Variants in DCC observed in about 807,000 individuals in gnomAD.
DCC encodes the protein DCC netrin 1 receptor.
Under a neutral mutation model 172.5 loss-of-function variants are expected in DCC, and 58 were observed. The ratio of observed to expected loss-of-function variants is 0.34; its 90% CI spans 0.27 to 0.42. DCC has a LOEUF of 0.42. DCC is among the 10% of genes least tolerant of loss of function. The probability of loss-of-function intolerance (pLI) is 1.00; values close to 1 mark genes in which losing one functional copy is unlikely to be tolerated. For missense variants in DCC, 1,740 were observed against 1,791.0 expected, an observed-to-expected ratio of 0.97 and a Z score of 0.51; for synonymous variants, 709 against 644.5, an observed-to-expected ratio of 1.10 and a Z score of -1.52.
chr18:52,434,819 G>A (rs1466866026), intron 1 of DCC, among the ~76,000 whole-genome samples: 10 of 151,774 alleles, frequency 6.6e-5, no homozygotes, highest in Admixed American at 4.6e-4. Context: ...ACCTCCCCAC[G>A]CCCGTCCCTC....
intron 1 of DCC, among the ~76,000 whole-genome samples, chr18:52,683,463 T>C (rs551643627): frequency 6.6e-6 from 1 of 152,212 alleles, no homozygotes; most frequent in Non-Finnish European, 1.5e-5. Flanking sequence ...AGATTATTTA[T>C]TTTTCACTTT....
At chr18:53,449,084 C>G (rs1052718150) in intron 22 of DCC, among the ~76,000 whole-genome samples, 7 of 152,026 alleles carry the variant, frequency 4.6e-5, no homozygotes, top group Non-Finnish European at 7.4e-5. Context: ...CACTGAGGTA[C>G]AGAAGGTCTA....
At chr18:53,509,122 C>G (rs2046219620) in intron 27 of DCC, among the ~76,000 whole-genome samples, 1 of 152,180 alleles carries the variant, frequency 6.6e-6, no homozygotes, top group Admixed American at 6.5e-5. Flanking sequence ...TCCAGTTTAG[C>G]TATTCCCTGC....
intron 15 of DCC, among the ~76,000 whole-genome samples, chr18:53,350,599 A>C (rs1332522790): frequency 6.6e-6 from 1 of 151,954 alleles, no homozygotes; most frequent in Non-Finnish European, 1.5e-5. Flanking sequence ...ATACTGGAAA[A>C]GTTTTTTGAG....
intron 5 of DCC, among the ~76,000 whole-genome samples, chr18:52,926,042 A>G (rs1568191034): frequency 6.6e-6 from 1 of 151,932 alleles, no homozygotes; most frequent in East Asian, 1.9e-4. Flanking sequence ...TTTTATTTGA[A>G]TTATGTAGTT....
intron 2 of DCC, among the ~76,000 whole-genome samples, chr18:52,899,889 A>G (rs2039785901): frequency 6.6e-6 from 1 of 152,202 alleles, no homozygotes; most frequent in African/African-American, 2.4e-5. Flanking sequence ...TAAACTGATT[A>G]TCTTAACAAT....
chr18:52,896,593 T>C (rs2039734519), intron 2 of DCC, among the ~76,000 whole-genome samples: 1 of 152,174 alleles, frequency 6.6e-6, no homozygotes, highest in Non-Finnish European at 1.5e-5. Context: ...GAGGAAGAGG[T>C]GGTAAAACTA....
chr18:52,975,245 T>C (rs1023254383), intron 5 of DCC, among the ~76,000 whole-genome samples: 1 of 152,210 alleles, frequency 6.6e-6, no homozygotes, highest in African/African-American at 2.4e-5. Context: ...GGCTTTCTTC[T>C]TGGCTTGCAG....
intron 7 of DCC, among the ~76,000 whole-genome samples, chr18:53,103,202 T>A (rs2043197819): frequency 6.6e-6 from 1 of 151,934 alleles, no homozygotes; most frequent in Admixed American, 6.6e-5. Context: ...TACATGATCA[T>A]AACACGAACT....
intron 5 of DCC, among the ~76,000 whole-genome samples, chr18:52,929,851 C>T (rs1598941760): frequency 6.6e-6 from 1 of 151,482 alleles, no homozygotes; most frequent in Non-Finnish European, 1.5e-5. Flanking sequence ...CACACACACA[C>T]ACACACACAC....
At chr18:52,955,801 A>G (rs1281657603) in intron 5 of DCC, among the ~76,000 whole-genome samples, 1 of 152,102 alleles carries the variant, frequency 6.6e-6, no homozygotes, top group Non-Finnish European at 1.5e-5. Context: ...AAATAACATA[A>G]CATATGATAC....
intron 1 of DCC, among the ~76,000 whole-genome samples, chr18:52,555,708 T>G (rs1056076606): frequency 6.6e-6 from 1 of 152,160 alleles, no homozygotes; most frequent in African/African-American, 2.4e-5. Flanking sequence ...CTAAGAAGAC[T>G]GTTTTTTAAA....
chr18:52,729,928 C>A (rs1324411138), intron 1 of DCC, among the ~76,000 whole-genome samples: 1 of 152,148 alleles, frequency 6.6e-6, no homozygotes, highest in Non-Finnish European at 1.5e-5. Context: ...CAAGGCCACA[C>A]AATCAGGATG....
intron 12 of DCC, among the ~76,000 whole-genome samples, chr18:53,264,583 G>A (rs1006334968): frequency 2.6e-5 from 4 of 152,056 alleles, no homozygotes; most frequent in Admixed American, 6.6e-5. Flanking sequence ...GTGATTAACG[G>A]TCCTCTTCCA....
At chr18:52,371,292 G>A (rs953707518) in intron 1 of DCC, among the ~76,000 whole-genome samples, 1 of 152,156 alleles carries the variant, frequency 6.6e-6, no homozygotes, top group Non-Finnish European at 1.5e-5. Context: ...ATGAATGAGT[G>A]GATACAATCT....
intron 14 of DCC, among the ~76,000 whole-genome samples, chr18:53,323,323 CACA>C (rs1403374134): frequency 6.6e-6 from 1 of 151,980 alleles, no homozygotes; most frequent in Non-Finnish European, 1.5e-5. Context: ...TTTCTATAGC[CACA>C]AATTTGGTTT....
At chr18:53,082,027 A>C (rs1266409381) in intron 7 of DCC, among the ~76,000 whole-genome samples, 1 of 152,084 alleles carries the variant, frequency 6.6e-6, no homozygotes, top group African/African-American at 2.4e-5. Flanking sequence ...ACAATCTAAG[A>C]GTGCTTAATC....
intron 1 of DCC, among the ~76,000 whole-genome samples, chr18:52,628,040 T>G (rs994941189): frequency 6.6e-6 from 1 of 152,246 alleles, no homozygotes; most frequent in Non-Finnish European, 1.5e-5. Context: ...TGATGTGCTT[T>G]TATGACTTTC....
intron 2 of DCC, among the ~76,000 whole-genome samples, chr18:52,830,586 ACCT>A (rs1422494945): frequency 2.0e-5 from 3 of 151,426 alleles, no homozygotes; most frequent in African/African-American, 7.3e-5. Context: ...ATAGACTAAT[ACCT>A]ATTACTAGAC....
Sources: gnomAD v4.1 joint callset for allele counts (sites outside exome capture counted in the v4.1 genomes callset) on GRCh38, gnomAD v4.1.1 for gene constraint, MANE v1.5 for transcripts, NCBI Gene and HGNC (gene_info 2026-07-23, HGNC 2026-07-21) for gene names.